SLC6A15: variants seen among roughly 807,000 people sequenced by gnomAD.
SLC6A15 encodes the protein sodium-dependent neutral amino acid transporter B(0)AT2.
SLC6A15 carries 33 observed loss-of-function variants against 68.5 expected under a neutral mutation model. That is an observed-to-expected ratio of 0.48 (90% CI 0.37 to 0.64). SLC6A15 has a LOEUF of 0.64. Among genes scored for constraint, SLC6A15 ranks in the 30% least tolerant of loss-of-function variants. The pLI is 0.00. For synonymous variants in SLC6A15, 347 were observed against 301.0 expected (o/e 1.15, Z -1.58); for missense variants, 747 against 874.3 (o/e 0.85, Z 1.84).
In SLC6A15 at chr12:84,909,722, A is replaced by G. The variant is rs555424248; in HGVS notation, c.-189+2801T>C. On this transcript the variant is annotated intron_variant, in intron 1 of 11. Transcript: ENST00000266682. ...ATAAAGAATTAACATACTCTTCCACAAGGTGAGAGGTCCATTGAGAAGTGA... is the reference window on the plus strand; with the variant it reads ...ATAAAGAATTAACATACTCTTCCACGAGGTGAGAGGTCCATTGAGAAGTGA... Among the ~76,000 whole-genome samples, 199 of 152,282 alleles carry G rather than the reference A, an allele frequency of 1.3e-3. 1 individual carries two copies. Among genetic ancestry groups the G allele is most frequent in the Non-Finnish European group, 2.0e-3 (138 of 68,010 alleles).
chr12:84,910,431 A>AT (rs1353112462), intron 1 of SLC6A15, among the ~76,000 whole-genome samples: 1 of 152,244 alleles, frequency 6.6e-6, no homozygotes. Context: ...GCAACAACAC[A>AT]TAAAAATAAA....
intron 1 of SLC6A15, among the ~76,000 whole-genome samples, chr12:84,903,426 AC>A (rs1336951559): frequency 1.8e-4 from 27 of 152,166 alleles, no homozygotes; most frequent in African/African-American, 6.3e-4. Flanking sequence ...GCCCTAAAAA[AC>A]ATTGAGAATA....
chr12:84,875,042 C>T (rs761068489), intron 6 of SLC6A15, among the ~76,000 whole-genome samples: 33 of 152,018 alleles, frequency 2.2e-4, no homozygotes, highest in Non-Finnish European at 4.1e-4. Context: ...AGTACTGGGG[C>T]CATATAGAAT....
At chr12:84,908,120 T>A (rs1290984422) in intron 1 of SLC6A15, among the ~76,000 whole-genome samples, 1 of 152,134 alleles carries the variant, frequency 6.6e-6, no homozygotes, top group African/African-American at 2.4e-5. Flanking sequence ...CTTAACTGTA[T>A]CAATGTCAAT....
rs376808331 is a variant in SLC6A15, at chr12:84,864,035, A to G, written c.1656-434T>C. ...ACTATGCTATTAATACTATTCTATC[A>G]AGGAATTATTACTTTTAGTAATAAT... On this transcript the variant is annotated intron_variant, in intron 10 of 11. Transcript: ENST00000266682. 4.0e-5 allele frequency among the ~76,000 whole-genome samples: 6 copies of G among 150,816 alleles called. No homozygotes were observed. In the East Asian group the frequency reaches 1.2e-3, roughly 29 times the overall value.
At chr12:84,904,256 T>A (rs1156749388) in intron 1 of SLC6A15, among the ~76,000 whole-genome samples, 5 of 50,266 alleles carry the variant, frequency 9.9e-5, no homozygotes, top group African/African-American at 6.9e-4. Context: ...AGAGAAATAG[T>A]CTCAAGCAAC....
Position 84,867,184 on chromosome 12 carries a change from CA to C in SLC6A15, c.1504del (p.Cys502ValfsTer9). ...VRKEILTVIC[C>X]LLAFCIGLIF... ...CAGGCCAATACAAAATGCCAGAAGA[CA>C]ACAGATAACTAGACAAAAGAAATAA... On this transcript the variant is annotated frameshift_variant, in exon 10 of 12. Transcript: ENST00000266682. LOFTEE classifies it high-confidence loss of function. The C allele has an allele frequency of 1.3e-6, 2 of 1,595,082 alleles. No homozygotes were observed. The highest frequency in any genetic ancestry group is 1.7e-6 in the Non-Finnish European group (2 of 1,171,884).
intron 10 of SLC6A15, among the ~76,000 whole-genome samples, chr12:84,864,531 A>G (rs1477756657): frequency 1.3e-5 from 2 of 151,762 alleles, no homozygotes; most frequent in African/African-American, 4.8e-5. Flanking sequence ...TGTTGGTCAG[A>G]CTGCTCTCGA....
chr12:84,872,816 A>G, intron 7 of SLC6A15, 22 bp from the exon 8 acceptor site: 2 of 1,570,724 alleles, frequency 1.3e-6, no homozygotes, highest in Non-Finnish European at 1.7e-6. Context: ...AACAACATAC[A>G]AATGAGCACA....
intron 5 of SLC6A15, chr12:84,883,072 G>A (rs1222362740): frequency 1.0e-6 from 1 of 983,668 alleles, no homozygotes; most frequent in African/African-American, 1.8e-5. Flanking sequence ...TTAAACGGCA[G>A]AGAGAAGAGC....
At chr12:84,884,867 T>C (rs1555181463) in intron 4 of SLC6A15, among the ~76,000 whole-genome samples, 2 of 152,036 alleles carry the variant, frequency 1.3e-5, no homozygotes, top group South Asian at 2.1e-4. Context: ...TTTTATATAA[T>C]AGATTAAGTA....
chr12:84,888,549 G>A (rs1273711437), intron 2 of SLC6A15, among the ~76,000 whole-genome samples: 1 of 152,088 alleles, frequency 6.6e-6, no homozygotes, highest in Admixed American at 6.6e-5. Context: ...TTTATAAGTA[G>A]GAGTTAGGCT....
intron 1 of SLC6A15, among the ~76,000 whole-genome samples, chr12:84,898,711 T>C (rs550466237): frequency 1.3e-5 from 2 of 152,320 alleles, no homozygotes; most frequent in South Asian, 4.1e-4. Context: ...ACTATGATTA[T>C]CACAACACTA....
intron 2 of SLC6A15, among the ~76,000 whole-genome samples, chr12:84,889,451 G>T (rs995494905): frequency 9.9e-5 from 15 of 151,308 alleles, no homozygotes; most frequent in Admixed American, 2.0e-4. Flanking sequence ...CAGAGATTGC[G>T]CCACTGAACT....
At chr12:84,878,569 A>T (rs1354691145) in intron 5 of SLC6A15, among the ~76,000 whole-genome samples, 1 of 151,858 alleles carries the variant, frequency 6.6e-6, no homozygotes, top group Non-Finnish European at 1.5e-5. Context: ...ATAAAAGTGA[A>T]AATGAAGATT....
chr12:84,909,099 A>T (rs1873316054), intron 1 of SLC6A15, among the ~76,000 whole-genome samples: 1 of 152,170 alleles, frequency 6.6e-6, no homozygotes. Flanking sequence ...ATATTACCAA[A>T]TAGCCCTTGA....
intron 2 of SLC6A15, among the ~76,000 whole-genome samples, chr12:84,888,854 C>A (rs1872245368): frequency 6.6e-6 from 1 of 152,146 alleles, no homozygotes; most frequent in Non-Finnish European, 1.5e-5. Flanking sequence ...GGCTTCCTGG[C>A]CTTTTTCTTT....
intron 1 of SLC6A15, among the ~76,000 whole-genome samples, chr12:84,904,224 G>GCAGAGAGAGAGA (rs1555183254): frequency 1.6e-5 from 2 of 121,996 alleles, no homozygotes; most frequent in African/African-American, 7.2e-5. Flanking sequence ...GGGCGGAGGG[G>GCAGAGAGAGAGA]GAGAGAGAGA....
At position 84,891,937 on chromosome 12, in the gene SLC6A15, G is replaced by T; in HGVS notation, c.184C>A (p.Pro62Thr). The T allele has an allele frequency of 6.2e-7, 1 of 1,613,944 alleles. No individual in the cohort carries two copies. The highest frequency in any genetic ancestry group is 8.5e-7 in the Non-Finnish European group (1 of 1,179,968). The part of the protein sequence containing the change: ...EEGSEVEDER[P>T]AWNSKLQYIL... ...TATTGTAGTTTACTGTTCCAAGCTGGTCTTTCATCTTCGACTTCAGATCCT... is the reference window on the plus strand; with the variant it reads ...TATTGTAGTTTACTGTTCCAAGCTGTTCTTTCATCTTCGACTTCAGATCCT... Residue 62 changes from proline to threonine, a missense_variant, in exon 2 of 12, where the codon CCA becomes ACA. Physicochemically the swap from Pro to Thr is conservative, Grantham distance 38. Transcript: ENST00000266682.
Sources: allele counts gnomAD v4.1 joint callset (sites outside exome capture counted in the v4.1 genomes callset), GRCh38; gene constraint gnomAD v4.1.1; transcripts MANE v1.5; gene names NCBI Gene and HGNC (gene_info 2026-07-23, HGNC 2026-07-21).